RBFOX1: variants seen among roughly 807,000 people sequenced by gnomAD.
RBFOX1 encodes the protein RNA binding fox-1 homolog 1.
In RBFOX1, 8 loss-of-function variants were observed where a neutral mutation model predicts 57.7. That is an observed-to-expected ratio of 0.14 (90% confidence interval 0.08 to 0.25). RBFOX1 has a LOEUF of 0.25. Among genes scored for constraint, RBFOX1 ranks in the 10% least tolerant of loss-of-function variants. RBFOX1 has a pLI of 1.00. For missense variants in RBFOX1, 611 were observed against 548.5 expected (o/e 1.11, Z -1.14); for synonymous variants, 326 against 222.4 (o/e 1.47, Z -4.15).
intron 3 of RBFOX1, among the ~76,000 whole-genome samples, chr16:5,765,540 C>T (rs1032546611): frequency 2.6e-5 from 4 of 152,176 alleles, no homozygotes; most frequent in Non-Finnish European, 5.9e-5. Flanking sequence ...TGGCTGAATA[C>T]CTAGTGCCAG....
intron 3 of RBFOX1, among the ~76,000 whole-genome samples, chr16:6,943,194 A>G (rs1193609414): frequency 6.6e-6 from 1 of 152,208 alleles, no homozygotes; most frequent in African/African-American, 2.4e-5. Flanking sequence ...GCTTGGCCAA[A>G]TGGGAACTGC....
chr16:6,276,710 G>A (rs1005535480), intron 1 of RBFOX1, among the ~76,000 whole-genome samples: 1 of 152,068 alleles, frequency 6.6e-6, no homozygotes, highest in East Asian at 1.9e-4. Flanking sequence ...GATACTGGTC[G>A]CATTAAGTTC....
Position 5,858,631 on chromosome 16 carries a change from A to G in RBFOX1, c.319-8672A>G, listed in dbSNP as rs775123090. 9.8e-5 allele frequency among the ~76,000 whole-genome samples: 15 copies of G among 152,352 alleles called. 1 individual carries two copies. In the South Asian group the frequency reaches 3.1e-3, roughly 32 times the overall value. ...GCTGCCAGAATTTTCAAGCAAGTGCATGTAAATATTTCATTCCTGACAGTG... is the reference window on the plus strand; with the variant it reads ...GCTGCCAGAATTTTCAAGCAAGTGCGTGTAAATATTTCATTCCTGACAGTG... On this transcript the variant is annotated intron_variant, in intron 3 of 19. Coordinates refer to the RBFOX1 transcript ENST00000641259.
intron 3 of RBFOX1, among the ~76,000 whole-genome samples, chr16:7,019,617 G>C (rs1160277724): frequency 1.4e-5 from 2 of 145,968 alleles, no homozygotes; most frequent in Non-Finnish European, 3.0e-5. Flanking sequence ...TTTACAGTTA[G>C]AATGATGTGA....
chr16:5,241,910 G>A (rs2062176740), intron 1 of RBFOX1, among the ~76,000 whole-genome samples: 1 of 151,834 alleles, frequency 6.6e-6, no homozygotes, highest in Admixed American at 6.6e-5. Context: ...AGACCAGCCT[G>A]GGCAACGTGG....
intron 4 of RBFOX1, among the ~76,000 whole-genome samples, chr16:7,292,437 A>T (rs934009252): frequency 2.8e-5 from 4 of 143,626 alleles, no homozygotes; most frequent in African/African-American, 1.0e-4. Flanking sequence ...TATTATATAT[A>T]ATATATAATA....
intron 4 of RBFOX1, among the ~76,000 whole-genome samples, chr16:7,387,370 G>T (rs552056139): frequency 1.3e-5 from 2 of 152,258 alleles, no homozygotes; most frequent in South Asian, 4.2e-4. Flanking sequence ...ATAAAGAGAG[G>T]ATGTGGATTC....
At chr16:6,615,976 G>A (rs2098135402) in intron 2 of RBFOX1, among the ~76,000 whole-genome samples, 1 of 152,180 alleles carries the variant, frequency 6.6e-6, no homozygotes, top group African/African-American at 2.4e-5. Flanking sequence ...GTTGTAGCTT[G>A]ACTTGCTGAA....
At chr16:7,517,173 G>GTGTC (rs1370227059) in intron 4 of RBFOX1, among the ~76,000 whole-genome samples, 1 of 150,940 alleles carries the variant, frequency 6.6e-6, no homozygotes, top group African/African-American at 2.4e-5. Flanking sequence ...GTGTGTGTGT[G>GTGTC]TGTGTGTGTG....
At chr16:5,886,285 A>G (rs1229512183) in intron 4 of RBFOX1, among the ~76,000 whole-genome samples, 1 of 152,216 alleles carries the variant, frequency 6.6e-6, no homozygotes, top group Non-Finnish European at 1.5e-5. Context: ...CTCTGTCCTT[A>G]TCTGTAAAAC....
At chr16:7,093,809 A>C (rs1459889751) in intron 4 of RBFOX1, among the ~76,000 whole-genome samples, 1 of 152,056 alleles carries the variant, frequency 6.6e-6, no homozygotes, top group Non-Finnish European at 1.5e-5. Flanking sequence ...TTACATGCAC[A>C]TTTCCTCTTT....
chr16:7,092,788 G>C (rs1328270862), intron 4 of RBFOX1, among the ~76,000 whole-genome samples: 1 of 152,220 alleles, frequency 6.6e-6, no homozygotes, highest in Admixed American at 6.5e-5. Context: ...GTTGATTGCA[G>C]TTCACAAGTT....
chr16:6,613,470 C>T (rs959493462), intron 2 of RBFOX1, among the ~76,000 whole-genome samples: 4 of 152,066 alleles, frequency 2.6e-5, no homozygotes, highest in Non-Finnish European at 5.9e-5. Flanking sequence ...GTCTTCCGCT[C>T]CAACCCTTAA....
At chr16:7,198,737 C>T (rs1022018166) in intron 4 of RBFOX1, among the ~76,000 whole-genome samples, 5 of 152,270 alleles carry the variant, frequency 3.3e-5, no homozygotes, top group South Asian at 4.1e-4. Context: ...TGACTTTATT[C>T]GTGAAAGTGG....
rs1447923020 is a variant in RBFOX1, at chr16:7,671,494, A to C, written c.931-5280A>C. 4.2e-5 allele frequency: 60 copies of C among 1,433,006 alleles called. 1 individual carries two copies. In the Admixed American group the frequency reaches 1.0e-3, roughly 24 times the overall value. 88.8% of individuals were successfully genotyped at this position (1,433,006 alleles called of 1,614,324 possible). ...AATTGCTCTGGAATTTGTCTGACTT[A>C]TGCATTCTCTTTTATTTATTTCATT... On this transcript the variant is annotated intron_variant, in intron 13 of 15. Transcript: ENST00000550418.
intron 3 of RBFOX1, among the ~76,000 whole-genome samples, chr16:5,779,290 G>A (rs749374756): frequency 2.6e-4 from 39 of 152,150 alleles, no homozygotes; most frequent in Non-Finnish European, 5.3e-4. Context: ...AATTTAAATT[G>A]TGAAAAGTTA....
chr16:6,905,682 A>T (rs1346297452), intron 3 of RBFOX1, among the ~76,000 whole-genome samples: 1 of 152,176 alleles, frequency 6.6e-6, no homozygotes, highest in East Asian at 1.9e-4. Flanking sequence ...AAAGGGGAAA[A>T]AAAGACAGTG....
intron 1 of RBFOX1, among the ~76,000 whole-genome samples, chr16:6,070,901 A>G (rs2095829173): frequency 1.3e-5 from 2 of 152,080 alleles, no homozygotes; most frequent in Non-Finnish European, 2.9e-5. Context: ...TTTTCATCTA[A>G]TGCTCAGAAT....
intron 1 of RBFOX1, among the ~76,000 whole-genome samples, chr16:6,106,307 A>AT (rs2096377868): frequency 6.6e-6 from 1 of 151,016 alleles, no homozygotes; most frequent in Admixed American, 6.6e-5. Flanking sequence ...AAAATACAAA[A>AT]AAAATTAGTC....
Sources: allele counts gnomAD v4.1 joint callset (sites outside exome capture counted in the v4.1 genomes callset), GRCh38; gene constraint gnomAD v4.1.1; transcripts MANE v1.5; gene names NCBI Gene and HGNC (gene_info 2026-07-23, HGNC 2026-07-21).